ARHGAP42: variants seen among roughly 807,000 people sequenced by gnomAD.
ARHGAP42 encodes Rho GTPase activating protein 42.
ARHGAP42 carries 63 observed loss-of-function variants against 125.0 expected under a neutral mutation model. That is an observed-to-expected ratio of 0.50 (90% CI 0.41 to 0.62). ARHGAP42 has a LOEUF of 0.62. Ranked by LOEUF, ARHGAP42 falls within the 20% of genes least tolerant of loss-of-function variation. The pLI is 0.00. For missense variants in ARHGAP42, 766 were observed against 1,024.2 expected, an observed-to-expected ratio of 0.75 and a Z score of 3.44; for synonymous variants, 339 against 351.0, an observed-to-expected ratio of 0.97 and a Z score of 0.38.
intron 1 of ARHGAP42, among the ~76,000 whole-genome samples, chr11:100,760,647 G>C (rs775176439): frequency 1.3e-5 from 2 of 152,016 alleles, no homozygotes; most frequent in Non-Finnish European, 2.9e-5. Context: ...GTTGCAGTGA[G>C]CCGAGATTGC....
At chr11:100,774,902 A>G (rs141639110) in intron 2 of ARHGAP42, among the ~76,000 whole-genome samples, 1 of 152,188 alleles carries the variant, frequency 6.6e-6, no homozygotes, top group East Asian at 1.9e-4. Context: ...TGCGCCAGTG[A>G]CACACTGCTG....
intron 17 of ARHGAP42, among the ~76,000 whole-genome samples, 167 bp downstream of exon 17, chr11:100,965,943 A>T (rs552045740): frequency 6.6e-6 from 1 of 152,312 alleles, no homozygotes; most frequent in East Asian, 1.9e-4. Flanking sequence ...TTTCTATGTA[A>T]GTGTGTGTAC....
Position 100,922,593 on chromosome 11 carries a change from T to TA in ARHGAP42, c.597+995dup, listed in dbSNP as rs534442497. Among the ~76,000 whole-genome samples, 593 of 152,314 alleles carry TA rather than the reference T, an allele frequency of 3.9e-3. 3 individuals carry two copies. Among genetic ancestry groups the TA allele is most frequent in the African/African-American group, 0.014 (567 of 41,562 alleles). On this transcript the variant is annotated intron_variant, in intron 6 of 23. Transcript: ENST00000298815. Reference sequence around the variant, plus strand: ...TTCTTTTCTTCCTATGTAAGTCCTTTAAAAAATCCATTCATAATAAAAAAT... The same window carrying TA: ...TTCTTTTCTTCCTATGTAAGTCCTTTAAAAAAATCCATTCATAATAAAAAAT...
chr11:100,886,125 A>G (rs1866087323), intron 4 of ARHGAP42, among the ~76,000 whole-genome samples: 1 of 152,226 alleles, frequency 6.6e-6, no homozygotes, highest in African/African-American at 2.4e-5. Flanking sequence ...GGGCAAGTCA[A>G]CATCAGAGGA....
intron 3 of ARHGAP42, among the ~76,000 whole-genome samples, chr11:100,824,555 G>T (rs1001903402): frequency 6.6e-6 from 1 of 152,164 alleles, no homozygotes; most frequent in Non-Finnish European, 1.5e-5. Flanking sequence ...ATAACTAGTT[G>T]TATATATGAT....
chr11:100,940,276 C>T (rs954287775), intron 8 of ARHGAP42, among the ~76,000 whole-genome samples: 1 of 152,114 alleles, frequency 6.6e-6, no homozygotes, highest in Non-Finnish European at 1.5e-5. Flanking sequence ...CAATTTCTTT[C>T]TTTTAAACAT....
chr11:100,797,518 G>C lies in ARHGAP42; in HGVS notation c.312+2352G>C, dbSNP rs561585147. Among the ~76,000 whole-genome samples the C allele has an allele frequency of 1.1e-4, 16 of 151,854 alleles. No individual in the cohort carries two copies. The East Asian group carries it at 2.9e-3, about 28-fold the overall frequency. On this transcript the variant is annotated intron_variant, in intron 3 of 23. Transcript: ENST00000298815. ...CTACCCTGTCTGGGCTCTAGTTATA[G>C]AACATGGAGCCTGGATGAGAGCACA...
intron 3 of ARHGAP42, among the ~76,000 whole-genome samples, chr11:100,837,485 T>C (rs1016306388): frequency 6.6e-6 from 1 of 152,006 alleles, no homozygotes; most frequent in Non-Finnish European, 1.5e-5. Context: ...AGTTTTATTG[T>C]GGAGTGAAAG....
chr11:100,819,840 TGAG>T (rs1864362740), intron 3 of ARHGAP42, among the ~76,000 whole-genome samples: 2 of 152,328 alleles, frequency 1.3e-5, no homozygotes, highest in East Asian at 3.9e-4. Flanking sequence ...GAATGGCTTG[TGAG>T]GCACTTGTTT....
At chr11:100,922,119 C>T (rs538927509) in intron 6 of ARHGAP42, among the ~76,000 whole-genome samples, 1 of 152,114 alleles carries the variant, frequency 6.6e-6, no homozygotes, top group East Asian at 1.9e-4. Context: ...AGAGGATGTG[C>T]ATTATCTATA....
At chr11:100,823,579 T>C (rs11605920) in intron 3 of ARHGAP42, among the ~76,000 whole-genome samples, 3,835 of 152,270 alleles carry the variant, frequency 0.025, 78 homozygotes, top group Middle Eastern at 0.058. Flanking sequence ...GTGTCTTAAT[T>C]GGCCAAAACA....
intron 2 of ARHGAP42, among the ~76,000 whole-genome samples, chr11:100,771,783 A>G (rs1047566834): frequency 8.6e-5 from 13 of 152,046 alleles, no homozygotes; most frequent in African/African-American, 3.1e-4. Context: ...TTGTACTTTT[A>G]GTAGAGACGG....
At chr11:100,986,466 A>G (rs560578907) in intron 22 of ARHGAP42, 1 of 191,852 alleles carries the variant, frequency 5.2e-6, no homozygotes, top group Admixed American at 5.9e-5. Flanking sequence ...CCGGCACCTG[A>G]CTGCATATAG....
intron 1 of ARHGAP42, among the ~76,000 whole-genome samples, chr11:100,737,759 A>G (rs146644823): frequency 1.1e-3 from 166 of 152,342 alleles, no homozygotes; most frequent in Admixed American, 3.8e-3. Flanking sequence ...AGAAAAAAGG[A>G]ACTTTATTGC....
chr11:100,974,989 T>C (rs1347717374), intron 19 of ARHGAP42, among the ~76,000 whole-genome samples: 2 of 152,128 alleles, frequency 1.3e-5, no homozygotes, highest in African/African-American at 4.8e-5. Context: ...ATCTCTTGGG[T>C]ATCAGTGTCT....
At chr11:100,866,853 T>A (rs1337268776) in intron 4 of ARHGAP42, among the ~76,000 whole-genome samples, 1 of 152,186 alleles carries the variant, frequency 6.6e-6, no homozygotes, top group Non-Finnish European at 1.5e-5. Flanking sequence ...TGCCTTTTTT[T>A]AATCATAAGA....
intron 2 of ARHGAP42, among the ~76,000 whole-genome samples, chr11:100,777,465 G>A (rs1213975144): frequency 6.6e-6 from 1 of 152,168 alleles, no homozygotes; most frequent in East Asian, 1.9e-4. Context: ...GAGTGACTGT[G>A]TAAAAAGGCA....
chr11:100,899,722 G>GTTTTTTTTTTTTTTTTTTTTTTTT (rs767815247), intron 4 of ARHGAP42, among the ~76,000 whole-genome samples: 1 of 67,232 alleles, frequency 1.5e-5, no homozygotes. Flanking sequence ...TTTGTGTTTT[G>GTTTTTTTTTTTTTTTTTTTTTTTT]TTTTTTTTTT....
intron 2 of ARHGAP42, among the ~76,000 whole-genome samples, chr11:100,780,145 T>C (rs1038293441): frequency 6.6e-6 from 1 of 152,168 alleles, no homozygotes; most frequent in Non-Finnish European, 1.5e-5. Context: ...CTACCTGTTA[T>C]GTGACAAGAA....
Sources: gnomAD v4.1 joint callset for allele counts (sites outside exome capture counted in the v4.1 genomes callset) on GRCh38, gnomAD v4.1.1 for gene constraint, MANE v1.5 for transcripts, NCBI Gene and HGNC (gene_info 2026-07-23, HGNC 2026-07-21) for gene names.